The following PDE4D variants were observed in gnomAD, a reference collection of about 807,000 sequenced individuals.
The protein encoded by PDE4D is phosphodiesterase 4D.
Under a neutral mutation model 87.4 loss-of-function variants are expected in PDE4D, and 24 were observed. The observed-to-expected ratio is 0.27, with a 90% CI of 0.20 to 0.39. PDE4D has a LOEUF of 0.39. Ranked by LOEUF, PDE4D falls within the 10% of genes least tolerant of loss-of-function variation. The pLI is 1.00. For synonymous variants in PDE4D, 384 were observed against 383.2 expected (o/e 1.00, Z -0.02); for missense variants, 714 against 1,041.0 (o/e 0.69, Z 4.32).
At chr5:59,955,221 T>C (rs1758702330) in intron 3 of PDE4D, among the ~76,000 whole-genome samples, 1 of 152,212 alleles carries the variant, frequency 6.6e-6, no homozygotes. Context: ...TTAATACTTA[T>C]TCTTCTCATG....
chr5:59,149,431 T>C (rs1196987583), intron 5 of PDE4D, among the ~76,000 whole-genome samples: 1 of 151,974 alleles, frequency 6.6e-6, no homozygotes, highest in Non-Finnish European at 1.5e-5. Context: ...CCCATTTAAC[T>C]CCCAAACCGC....
chr5:59,671,007 A>G (rs1017611055), intron 1 of PDE4D, among the ~76,000 whole-genome samples: 7 of 152,166 alleles, frequency 4.6e-5, no homozygotes, highest in African/African-American at 1.7e-4. Flanking sequence ...CACACAACAT[A>G]TACCCACACA....
chr5:59,410,193 C>A (rs1472431529), intron 1 of PDE4D, among the ~76,000 whole-genome samples: 1 of 152,124 alleles, frequency 6.6e-6, no homozygotes, highest in Non-Finnish European at 1.5e-5. Context: ...ACCCTTCCCA[C>A]TCTTTGATAA....
intron 1 of PDE4D, among the ~76,000 whole-genome samples, chr5:59,643,554 A>G (rs954299428): frequency 8.5e-5 from 13 of 152,202 alleles, no homozygotes; most frequent in Non-Finnish European, 1.9e-4. Flanking sequence ...ATTTACATGT[A>G]GTTTATTATA....
intron 1 of PDE4D, among the ~76,000 whole-genome samples, chr5:59,373,023 C>A (rs895333845): frequency 1.1e-4 from 16 of 146,376 alleles, no homozygotes; most frequent in Non-Finnish European, 1.8e-4. Flanking sequence ...AAAAAAAAAA[C>A]ATTCAAATGT....
intron 5 of PDE4D, among the ~76,000 whole-genome samples, chr5:59,066,378 A>G (rs1763935675): frequency 6.6e-6 from 1 of 152,160 alleles, no homozygotes; most frequent in Non-Finnish European, 1.5e-5. Context: ...GGTGAAGTGC[A>G]GAAAGGAGTG....
upstream of PDE4D, among the ~76,000 whole-genome samples, chr5:59,894,556 A>G (rs1751434857): frequency 6.6e-6 from 1 of 152,144 alleles, no homozygotes; most frequent in Non-Finnish European, 1.5e-5. Flanking sequence ...CTCGCTGGAA[A>G]TCAAGGCGAG....
rs1762671405 is a variant in PDE4D, at chr5:59,988,536, G to C, written c.224C>G (p.Pro75Arg). The change falls in exon 3 of 17, where the codon CCC becomes CGC. Residue 75 changes from proline to arginine, a missense_variant. Physicochemically the swap from Pro to Arg is moderately radical, Grantham distance 103. Coordinates refer to the PDE4D transcript ENST00000502484. ...AGCAATCAGCGGCAGAATCTTCAGG[G>C]GGAGGCTGGTTGGTCGTTGAATGTT... 1.9e-6 allele frequency: 3 copies of C among 1,599,144 alleles called. No individual in the cohort carries two copies. The highest frequency in any genetic ancestry group is 8.5e-7 in the Non-Finnish European group (1 of 1,179,612).
At chr5:59,947,452 T>C (rs1023881786) in intron 3 of PDE4D, among the ~76,000 whole-genome samples, 3 of 152,170 alleles carry the variant, frequency 2.0e-5, no homozygotes, top group Non-Finnish European at 2.9e-5. Context: ...AGCCTACAGA[T>C]TGTAAGTCTT....
At chr5:59,389,238 C>T (rs942519410) in intron 1 of PDE4D, among the ~76,000 whole-genome samples, 4 of 151,982 alleles carry the variant, frequency 2.6e-5, no homozygotes, top group Admixed American at 2.6e-4. Context: ...GTTTTATAAG[C>T]TTTCTTATGA....
intron 2 of PDE4D, among the ~76,000 whole-genome samples, chr5:60,041,102 C>T (rs1337498490): frequency 6.6e-6 from 1 of 152,152 alleles, no homozygotes; most frequent in Admixed American, 6.5e-5. Flanking sequence ...ATCATTAAAT[C>T]ACAAACTGCT....
At chr5:60,237,039 G>C (rs1418465975) in intron 1 of PDE4D, among the ~76,000 whole-genome samples, 1 of 151,862 alleles carries the variant, frequency 6.6e-6, no homozygotes, top group East Asian at 1.9e-4. Flanking sequence ...ACTATGATAA[G>C]ACATCACTAC....
Position 59,178,824 on chromosome 5 carries a change from T to C in PDE4D, c.808+1771A>G, listed in dbSNP as rs187066705. 1.6e-4 allele frequency among the ~76,000 whole-genome samples: 25 copies of C among 152,178 alleles called. No homozygotes were observed. In the East Asian group the frequency reaches 3.9e-3, roughly 24 times the overall value. On this transcript the variant is annotated intron_variant, in intron 5 of 14. Transcript: ENST00000340635. ...ATGTCAGTTCTTGCTTATTGCAAAA[T>C]TGGGGGTTGAGGGTAGTTCCTCTTG...
intron 3 of PDE4D, among the ~76,000 whole-genome samples, chr5:59,943,871 G>GA (rs1302799193): frequency 2.0e-5 from 3 of 152,184 alleles, no homozygotes; most frequent in African/African-American, 7.2e-5. Context: ...GCAGTTAGAG[G>GA]AGTGCCCTAG....
chr5:59,507,679 A>AAAAAAAAAAAAAAG (rs61334148), intron 1 of PDE4D, among the ~76,000 whole-genome samples: 3 of 118,706 alleles, frequency 2.5e-5, no homozygotes, highest in African/African-American at 3.5e-5. Flanking sequence ...AAAAAAAAAA[A>AAAAAAAAAAAAAAG]AAAAGAAAAG....
rs1743627421 is a variant in PDE4D at position 58,975,932 on chromosome 5, A to C, written c.1831-93T>G. The C allele has an allele frequency of 2.2e-6, 2 of 913,016 alleles. No homozygotes were observed. The highest frequency in any genetic ancestry group is 1.7e-5 in the African/African-American group (1 of 58,592). 56.6% of individuals were successfully genotyped at this position (913,016 alleles called of 1,614,324 possible). On this transcript the variant is annotated intron_variant, in intron 13 of 14. Transcript: ENST00000340635. This position sits in a 1 kb window ranked among gnomAD's most constrained non-coding sequence, Gnocchi z 4.2. Reference sequence around the variant, plus strand: ...CTAGAAATTCACATTGGATGACTGCAACACTTAAAAATACACGTAGTGTAA... The same window carrying C: ...CTAGAAATTCACATTGGATGACTGCCACACTTAAAAATACACGTAGTGTAA...
At chr5:60,031,689 A>C (rs1365956518) in intron 2 of PDE4D, among the ~76,000 whole-genome samples, 2 of 152,222 alleles carry the variant, frequency 1.3e-5, no homozygotes, top group Non-Finnish European at 2.9e-5. Flanking sequence ...TAAAAATTGC[A>C]AGAAATTTAT....
At chr5:60,115,555 A>T (rs531703082) in intron 2 of PDE4D, among the ~76,000 whole-genome samples, 2 of 152,290 alleles carry the variant, frequency 1.3e-5, no homozygotes, top group South Asian at 4.1e-4. Flanking sequence ...TGTCTTTCAC[A>T]ATATAATGCT....
chr5:59,078,423 G>T (rs1396966627), intron 5 of PDE4D, among the ~76,000 whole-genome samples: 1 of 151,866 alleles, frequency 6.6e-6, no homozygotes, highest in Non-Finnish European at 1.5e-5. Flanking sequence ...ATTCTGAAAA[G>T]ATACTGCTAT....
Sources: allele counts gnomAD v4.1 joint callset (sites outside exome capture counted in the v4.1 genomes callset), GRCh38; gene constraint gnomAD v4.1.1; non-coding constraint Gnocchi (gnomAD v3.1); transcripts MANE v1.5; gene names NCBI Gene and HGNC (gene_info 2026-07-23, HGNC 2026-07-21).